STS: variants seen among roughly 807,000 people sequenced by gnomAD.
STS encodes steroid sulfatase, also known as steryl-sulfatase.
In STS, 7 loss-of-function variants were observed where a neutral mutation model predicts 26.8. That is an observed-to-expected ratio of 0.26 (90% confidence interval 0.15 to 0.49). The LOEUF (loss-of-function observed/expected upper bound fraction) is 0.49. STS is among the 20% of genes least tolerant of loss of function. The probability of loss-of-function intolerance (pLI) is 0.98; values close to 1 mark genes in which losing one functional copy is unlikely to be tolerated. For missense variants in STS, 434 were observed against 465.6 expected, an observed-to-expected ratio of 0.93 and a Z score of 0.63; for synonymous variants, 199 against 189.4, an observed-to-expected ratio of 1.05 and a Z score of -0.42.
At chrX:7,268,851 A>C (rs1441011368) in intron 6 of STS, among the ~76,000 whole-genome samples, 2 of 110,234 alleles carry the variant, frequency 1.8e-5, no homozygotes, top group Non-Finnish European at 3.8e-5. Flanking sequence ...GTGTCTACAA[A>C]AAATAAAGAA....
chrX:7,208,780 C>G (rs775371451), intron 2 of STS, among the ~76,000 whole-genome samples: 12 of 111,770 alleles, frequency 1.1e-4, no homozygotes, highest in Non-Finnish European at 2.1e-4. Flanking sequence ...TTCGGGAAGT[C>G]TTAAGCACAA....
At chrX:7,222,344 G>A (rs1182642904) in intron 2 of STS, among the ~76,000 whole-genome samples, 5 of 110,757 alleles carry the variant, frequency 4.5e-5, no homozygotes, top group African/African-American at 1.6e-4. Flanking sequence ...GATCTTGTTG[G>A]TTTATTGTTG....
chrX:7,164,149 G>C (rs1381215618), intron 1 of STS, among the ~76,000 whole-genome samples: 1 of 111,752 alleles, frequency 8.9e-6, no homozygotes, highest in African/African-American at 3.2e-5. Flanking sequence ...TAACATGGGT[G>C]ACCACAGGCT....
At chrX:7,214,672 T>C (rs1486665777) in intron 2 of STS, among the ~76,000 whole-genome samples, 3 of 109,402 alleles carry the variant, frequency 2.7e-5, no homozygotes, top group African/African-American at 1.0e-4. Context: ...CTGAACCCTA[T>C]TTGTAGTCTT....
chrX:7,180,599 C>G (rs1212032985), intron 1 of STS, among the ~76,000 whole-genome samples: 1 of 111,876 alleles, frequency 8.9e-6, no homozygotes, highest in East Asian at 2.8e-4. Flanking sequence ...TGGAAACAGC[C>G]TTGACTCTCA....
intron 3 of STS, among the ~76,000 whole-genome samples, chrX:7,256,615 GA>G (rs1923420613): frequency 9.0e-6 from 1 of 111,686 alleles, no homozygotes; most frequent in Non-Finnish European, 1.9e-5. Context: ...GGTAACTTAG[GA>G]GATGTGGATC....
In STS at chrX:7,312,199, G is replaced by A. The variant is rs763920737; in HGVS notation, c.1081+7016G>A. Among the ~76,000 whole-genome samples, 282 of 111,745 alleles carry A rather than the reference G, an allele frequency of 2.5e-3. 1 individual carries two copies. The highest frequency in any genetic ancestry group is 4.3e-3 in the Non-Finnish European group (229 of 53,101). On this transcript the variant is annotated intron_variant, in intron 8 of 10. Coordinates refer to ENST00000674429, the MANE Select transcript of STS (RefSeq NM_001320752.2). ...TTCCCACCTCAGAGTCTTTGTGTTA[G>A]AAACTCATCCTTCCATCTCATCTTT... is the stretch of plus-strand genomic sequence containing the variant.
intron 1 of STS, among the ~76,000 whole-genome samples, chrX:7,157,489 C>G (rs1296884776): frequency 8.9e-6 from 1 of 111,914 alleles, no homozygotes; most frequent in Non-Finnish European, 1.9e-5. Context: ...AGGTTCAACT[C>G]TGAACAATTT....
At chrX:7,179,907 A>G (rs1933648664) in intron 1 of STS, among the ~76,000 whole-genome samples, 1 of 112,085 alleles carries the variant, frequency 8.9e-6, no homozygotes, top group Non-Finnish European at 1.9e-5. Context: ...TTGGTAAGGG[A>G]GCAGAGCTTT....
intron 1 of STS, among the ~76,000 whole-genome samples, chrX:7,148,675 C>T (rs1169045921): frequency 8.9e-6 from 1 of 112,088 alleles, no homozygotes; most frequent in East Asian, 2.8e-4. Flanking sequence ...TTCGCTTGCC[C>T]GCCTCCTTGC....
intron 2 of STS, among the ~76,000 whole-genome samples, chrX:7,232,015 T>C (rs1188261567): frequency 1.8e-5 from 2 of 111,802 alleles, no homozygotes; most frequent in African/African-American, 3.3e-5. Context: ...TGGCCACATA[T>C]GTCTTGAGTA....
chrX:7,181,786 A>C (rs1356141033), intron 1 of STS, among the ~76,000 whole-genome samples: 1 of 112,330 alleles, frequency 8.9e-6, no homozygotes, highest in Non-Finnish European at 1.9e-5. Context: ...AAAACAAAAA[A>C]CAAAAAGACA....
chrX:7,158,547 CCTT>C (rs1218978060), intron 1 of STS, among the ~76,000 whole-genome samples: 1 of 111,568 alleles, frequency 9.0e-6, no homozygotes, highest in African/African-American at 3.3e-5. Context: ...GAAGAACAAA[CCTT>C]CTGCTCCTTT....
intron 1 of STS, among the ~76,000 whole-genome samples, chrX:7,188,819 C>T (rs1053453502): frequency 1.8e-5 from 2 of 111,582 alleles, no homozygotes; most frequent in African/African-American, 6.5e-5. Context: ...TGTTCAAACC[C>T]ACATCCATGC....
At chrX:7,349,782 A>G (rs1225991711) in intron 10 of STS, 106 bp from the exon 11 acceptor site, 4 of 1,082,134 alleles carry the variant, frequency 3.7e-6, no homozygotes, top group Non-Finnish European at 5.1e-6. Context: ...TGATATCTTC[A>G]CCTTCTTAAA....
intron 8 of STS, among the ~76,000 whole-genome samples, chrX:7,308,088 G>C (rs1431422928): frequency 1.8e-5 from 2 of 112,168 alleles, no homozygotes; most frequent in Admixed American, 9.4e-5. Flanking sequence ...AGTCCAGCAG[G>C]CCCCTAAGAG....
chrX:7,184,549 C>T (rs768500744), intron 1 of STS, among the ~76,000 whole-genome samples: 99 of 111,816 alleles, frequency 8.9e-4, no homozygotes, highest in Non-Finnish European at 1.6e-3. Flanking sequence ...CTTTGACATC[C>T]GCTTTGATTA....
intron 7 of STS, among the ~76,000 whole-genome samples, chrX:7,286,429 A>G (rs1925136636): frequency 9.0e-6 from 1 of 111,080 alleles, no homozygotes; most frequent in African/African-American, 3.3e-5. Flanking sequence ...TGCTGTGATA[A>G]TCATGAAATT....
chrX:7,280,041 CT>C (rs1924784364), intron 7 of STS, among the ~76,000 whole-genome samples: 1 of 111,930 alleles, frequency 8.9e-6, no homozygotes, highest in South Asian at 3.8e-4. Context: ...CACTTTGTTT[CT>C]TTTCTTTCCA....
Sources: gnomAD v4.1 joint callset for allele counts (sites outside exome capture counted in the v4.1 genomes callset) on GRCh38, gnomAD v4.1.1 for gene constraint, MANE v1.5 for transcripts, NCBI Gene and HGNC (gene_info 2026-07-23, HGNC 2026-07-21) for gene names.